The following PDE1A variants were observed in gnomAD, a reference collection of about 807,000 sequenced individuals.
PDE1A encodes the protein phosphodiesterase 1A.
A neutral mutation model predicts 61.7 loss-of-function variants in PDE1A; 35 were observed. The observed-to-expected ratio is 0.57, with a 90% confidence interval of 0.43 to 0.75. PDE1A has a LOEUF of 0.75. PDE1A is among the 30% of genes least tolerant of loss of function. PDE1A has a pLI of 0.00. For synonymous variants in PDE1A, 232 were observed against 213.2 expected (o/e 1.09, Z -0.77); for missense variants, 597 against 630.6 (o/e 0.95, Z 0.57).
upstream of PDE1A, chr2:182,427,111 G>C: frequency 1.6e-6 from 1 of 641,234 alleles, no homozygotes; most frequent in Non-Finnish European, 1.9e-6. Context: ...AAGTTGTACA[G>C]CTGGTTCAGC....
intron 1 of PDE1A, among the ~76,000 whole-genome samples, chr2:182,333,075 T>C (rs551961951): frequency 6.6e-6 from 1 of 152,242 alleles, no homozygotes; most frequent in African/African-American, 2.4e-5. Flanking sequence ...TCCAAATTCA[T>C]AAAGCAAGTT....
chr2:182,169,918 A>ACG lies in PDE1A; in HGVS notation c.1517-1629_1517-1628insCG, dbSNP rs1191654443. Among the ~76,000 whole-genome samples, 134 of 90,062 alleles carry ACG rather than the reference A, an allele frequency of 1.5e-3. No homozygotes were observed. In the Middle Eastern group the frequency reaches 0.019, roughly 13 times the overall value. The allele number at this position is 90,062 out of a possible 152,430, so 59.1% of individuals were successfully genotyped here. ...CACACACACACACACACACACACACACACGCACACACACACACACACTCTC... is the reference window on the plus strand; with the variant it reads ...CACACACACACACACACACACACACACGCACGCACACACACACACACACTCTC... On this transcript the variant is annotated intron_variant, in intron 13 of 13. Coordinates refer to ENST00000351439, the Ensembl canonical transcript of PDE1A.
intron 1 of PDE1A, among the ~76,000 whole-genome samples, chr2:182,349,789 C>T (rs1020629268): frequency 6.6e-6 from 1 of 152,062 alleles, no homozygotes; most frequent in East Asian, 1.9e-4. Context: ...AGCACACAAA[C>T]ATAAAGACAC....
At chr2:182,494,982 C>T (rs17356463) in intron 2 of PDE1A, among the ~76,000 whole-genome samples, 14,285 of 152,132 alleles carry the variant, frequency 0.094, 948 homozygotes, top group Non-Finnish European at 0.14. Context: ...CTATCCTCTA[C>T]CTGACCATTA....
At chr2:182,264,393 C>G in exon 2 of PDE1A, 1 of 1,613,082 alleles carries the variant, frequency 6.2e-7, no homozygotes, top group South Asian at 1.1e-5. Context: ...CTCTTTCCAG[C>G]TGCTTCACCA....
intron 13 of PDE1A, among the ~76,000 whole-genome samples, chr2:182,177,158 G>T (rs1422546284): frequency 6.6e-6 from 1 of 151,164 alleles, no homozygotes; most frequent in African/African-American, 2.4e-5. Flanking sequence ...TTTTTTTGTT[G>T]TGTCTCTGCC....
chr2:182,499,345 T>G (rs1052833900), intron 2 of PDE1A, among the ~76,000 whole-genome samples: 2 of 151,914 alleles, frequency 1.3e-5, no homozygotes, highest in East Asian at 3.9e-4. Context: ...CTCCGCTAAT[T>G]TTTTGTATTT....
chr2:182,381,059 T>C lies in PDE1A; in HGVS notation c.53+45519A>G, dbSNP rs551676964. 5.3e-5 allele frequency among the ~76,000 whole-genome samples: 8 copies of C among 152,290 alleles called. No homozygotes were observed. In the South Asian group the frequency reaches 6.2e-4, roughly 12 times the overall value. ...AGTGATGGACATGGAGAAGTAGTAA[T>C]GAGCTCTAAGCACTTAGAATCTAGA... On this transcript the variant is annotated intron_variant, in intron 1 of 13. Transcript: ENST00000351439.
chr2:182,144,200 G>A (rs1690374575), downstream of PDE1A, among the ~76,000 whole-genome samples: 1 of 152,214 alleles, frequency 6.6e-6, no homozygotes, highest in African/African-American at 2.4e-5. Context: ...GACACCGGTC[G>A]TGATAGGGAA....
intron 1 of PDE1A, among the ~76,000 whole-genome samples, chr2:182,272,655 T>C (rs1300573827): frequency 6.6e-6 from 1 of 152,032 alleles, no homozygotes; most frequent in African/African-American, 2.4e-5. Flanking sequence ...AACTAACTAG[T>C]CCAGATTGAA....
At chr2:182,295,057 C>CTTTGTTTTTTTT (rs1694785546) in intron 1 of PDE1A, among the ~76,000 whole-genome samples, 2 of 59,350 alleles carry the variant, frequency 3.4e-5, no homozygotes, top group Non-Finnish European at 5.9e-5. Context: ...AAAAGGTAAT[C>CTTTGTTTTTTTT]TTTTTTTTTT....
rs190530790 is a variant in PDE1A, at chr2:182,249,709, C to T, written c.168-9417G>A. ...TGTCTGCGTTCTGAGCTGCTTGTAC[C>T]CTTCTTCACCCTTACCCCCCAACCC... On this transcript the variant is annotated intron_variant, in intron 2 of 13. Transcript: ENST00000351439. Among the ~76,000 whole-genome samples, 217 of 137,528 alleles carry T rather than the reference C, an allele frequency of 1.6e-3. 1 individual carries two copies. The highest frequency in any genetic ancestry group is 5.0e-4 in the South Asian group (2 of 3,978). The allele number at this position is 137,528 out of a possible 152,430, so 90.2% of individuals were successfully genotyped here. A position where few individuals can be genotyped will look rare whatever the true frequency, so the allele number is the denominator to read the frequency against.
chr2:182,216,257 G>C (rs1688172192), intron 7 of PDE1A, among the ~76,000 whole-genome samples: 1 of 65,100 alleles, frequency 1.5e-5, no homozygotes, highest in Non-Finnish European at 3.1e-5. Flanking sequence ...GGTATTGATG[G>C]GACATATTTC....
At chr2:182,272,829 G>A (rs573322559) in intron 1 of PDE1A, among the ~76,000 whole-genome samples, 35 of 152,156 alleles carry the variant, frequency 2.3e-4, no homozygotes, top group African/African-American at 7.0e-4. Flanking sequence ...TATGAATCTA[G>A]GAGGAAGAAA....
chr2:182,668,003 A>T, the PDE1A span, among the ~76,000 whole-genome samples: 11 of 152,312 alleles, frequency 7.2e-5, no homozygotes, highest in South Asian at 4.1e-4. Context: ...GCTGATGAAG[A>T]TGCAACACCC....
chr2:182,473,651 C>G (rs960142887), intron 2 of PDE1A, among the ~76,000 whole-genome samples: 1 of 151,926 alleles, frequency 6.6e-6, no homozygotes, highest in African/African-American at 2.4e-5. Context: ...TACCTTCCAC[C>G]CTCTGATAGG....
intron 2 of PDE1A, among the ~76,000 whole-genome samples, chr2:182,490,966 A>G (rs1297659216): frequency 6.6e-6 from 1 of 152,164 alleles, no homozygotes; most frequent in Admixed American, 6.5e-5. Flanking sequence ...AGTAGGAAGC[A>G]GGGGGGAAGG....
chr2:182,659,921 A>G, the PDE1A span, among the ~76,000 whole-genome samples: 1 of 152,230 alleles, frequency 6.6e-6, no homozygotes, highest in Non-Finnish European at 1.5e-5. Context: ...AATTTTGTAA[A>G]CACTCTAACA....
intron 10 of PDE1A, among the ~76,000 whole-genome samples, chr2:182,201,113 CT>C (rs1448488277): frequency 2.0e-5 from 3 of 152,300 alleles, no homozygotes; most frequent in Admixed American, 2.0e-4. Flanking sequence ...CTTATCTACT[CT>C]TTCTATTATG....
Sources: allele counts gnomAD v4.1 joint callset (sites outside exome capture counted in the v4.1 genomes callset), GRCh38; gene constraint gnomAD v4.1.1; transcripts MANE v1.5; gene names NCBI Gene and HGNC (gene_info 2026-07-23, HGNC 2026-07-21).